Variants in TMEM150C observed in about 807,000 individuals in gnomAD.
The protein encoded by TMEM150C is tentonin 3.
In TMEM150C, 10 loss-of-function variants were observed where a neutral mutation model predicts 29.9. The observed-to-expected ratio is 0.33, with a 90% CI of 0.21 to 0.57. TMEM150C has a LOEUF of 0.57. Among genes scored for constraint, TMEM150C ranks in the 20% least tolerant of loss-of-function variants. The probability of loss-of-function intolerance (pLI) is 0.88; values close to 1 mark genes in which losing one functional copy is unlikely to be tolerated. For synonymous variants in TMEM150C, 101 were observed against 112.5 expected (o/e 0.90, Z 0.64); for missense variants, 251 against 303.6 (o/e 0.83, Z 1.29).
At chr4:82,518,585 G>C (rs1724373020) in intron 1 of TMEM150C, among the ~76,000 whole-genome samples, 1 of 152,196 alleles carries the variant, frequency 6.6e-6, no homozygotes. Context: ...CTAGGTGGGA[G>C]GGTAGGGCAG....
chr4:82,512,488 G>A (rs889751716), intron 1 of TMEM150C, among the ~76,000 whole-genome samples: 5 of 152,286 alleles, frequency 3.3e-5, no homozygotes, highest in Non-Finnish European at 5.9e-5. Context: ...GCGGCTGCTC[G>A]CCTACCTTAT....
intron 6 of TMEM150C, among the ~76,000 whole-genome samples, chr4:82,492,970 T>A (rs952309175): frequency 6.7e-6 from 1 of 149,132 alleles, no homozygotes; most frequent in Admixed American, 6.7e-5. Flanking sequence ...TCACTATGTA[T>A]TTACATATTT....
intron 5 of TMEM150C, among the ~76,000 whole-genome samples, chr4:82,500,427 A>G (rs1331012173): frequency 6.6e-6 from 1 of 152,264 alleles, no homozygotes; most frequent in Non-Finnish European, 1.5e-5. Context: ...GAGTTGATAA[A>G]TAAATACTTG....
intron 1 of TMEM150C, among the ~76,000 whole-genome samples, chr4:82,544,405 A>G (rs763690358): frequency 6.6e-6 from 1 of 152,232 alleles, no homozygotes; most frequent in Non-Finnish European, 1.5e-5. Flanking sequence ...TTTATTGAAC[A>G]TGCCTGATGG....
rs1410559330 is a variant in TMEM150C at position 82,561,957 on chromosome 4, C to T, written c.-62G>A. ...CGCCTCGAGGGGCTGTGACCTGCTG[C>T]GGTGGCGGCGGCGGCAGCAGTAGCG... On this transcript the variant is annotated 5_prime_UTR_variant, in exon 1 of 8. Transcript: ENST00000449862. 2.4e-5 allele frequency: 27 copies of T among 1,105,712 alleles called. No individual in the cohort carries two copies. The highest frequency in any genetic ancestry group is 3.0e-5 in the Non-Finnish European group (27 of 900,970). The allele number at this position is 1,105,712 out of a possible 1,614,324, so 68.5% of individuals were successfully genotyped here.
At chr4:82,547,276 A>C (rs1725414476) in intron 1 of TMEM150C, among the ~76,000 whole-genome samples, 2 of 151,346 alleles carry the variant, frequency 1.3e-5, no homozygotes, top group Admixed American at 1.3e-4. Flanking sequence ...ACAAGCAGCC[A>C]ACAAACATGA....
chr4:82,490,136 TGTTGACCTTGA>T lies in TMEM150C; in HGVS notation c.455_465del (p.Leu152HisfsTer4), dbSNP rs1196470668. 1.2e-6 allele frequency: 2 copies of T among 1,613,902 alleles called. No individual in the cohort carries two copies. Among genetic ancestry groups the T allele is most frequent in the Admixed American group, 3.3e-5 (2 of 60,008 alleles). ...CCAACTCTCCGTCCTTCATTCTTGA[TGTTGACCTTGA>T]GTGTCAGCGCAGCCTGGATCCAGCA... On this transcript the variant is annotated frameshift_variant, in exon 7 of 8. Transcript: ENST00000449862. LOFTEE classifies it high-confidence loss of function.
intron 1 of TMEM150C, among the ~76,000 whole-genome samples, chr4:82,530,326 G>A (rs1006469328): frequency 3.3e-5 from 5 of 152,106 alleles, no homozygotes; most frequent in African/African-American, 1.2e-4. Flanking sequence ...GGGAGGCAGA[G>A]GCGGGTGGAT....
upstream of TMEM150C, chr4:82,562,233 C>A: frequency 1.6e-6 from 2 of 1,283,658 alleles, no homozygotes; most frequent in South Asian, 2.5e-5. Flanking sequence ...GTTTGCCTGG[C>A]GCTCCTCATC....
At chr4:82,519,118 T>C (rs1034332155) in intron 1 of TMEM150C, among the ~76,000 whole-genome samples, 2 of 152,204 alleles carry the variant, frequency 1.3e-5, no homozygotes, top group African/African-American at 4.8e-5. Context: ...AGAGGCAACC[T>C]GACAGTAAAG....
chr4:82,523,619 A>C (rs1724559622), intron 1 of TMEM150C, among the ~76,000 whole-genome samples: 1 of 152,224 alleles, frequency 6.6e-6, no homozygotes, highest in Admixed American at 6.5e-5. Flanking sequence ...TGCTTTAAAA[A>C]ATGAAAACTT....
chr4:82,535,385 G>C (rs888277669), intron 1 of TMEM150C, among the ~76,000 whole-genome samples: 2 of 152,176 alleles, frequency 1.3e-5, no homozygotes, highest in African/African-American at 4.8e-5. Flanking sequence ...ATTTATTAGG[G>C]TGAAGCTGTC....
intron 6 of TMEM150C, among the ~76,000 whole-genome samples, chr4:82,493,108 C>T (rs1395147756): frequency 1.3e-5 from 2 of 150,922 alleles, no homozygotes; most frequent in Non-Finnish European, 1.5e-5. Flanking sequence ...TTTTGAATTG[C>T]TATTGCCTTC....
upstream of TMEM150C, chr4:82,562,010 G>C: frequency 8.7e-7 from 1 of 1,145,982 alleles, no homozygotes; most frequent in Non-Finnish European, 1.1e-6. Flanking sequence ...TTCAGGAAGG[G>C]GTGGGATCTG....
chr4:82,507,491 C>A (rs959088765), intron 1 of TMEM150C, among the ~76,000 whole-genome samples: 1 of 151,572 alleles, frequency 6.6e-6, no homozygotes, highest in African/African-American at 2.4e-5. Context: ...CATTTACCTG[C>A]GCTTGTCAGC....
At chr4:82,531,270 C>T (rs778050598) in intron 1 of TMEM150C, among the ~76,000 whole-genome samples, 108 of 152,100 alleles carry the variant, frequency 7.1e-4, no homozygotes, top group Non-Finnish European at 1.3e-3. Flanking sequence ...GAGAGAAGTA[C>T]GAGGATAGAA....
chr4:82,562,232 G>A (rs2110098370), upstream of TMEM150C: 1 of 1,283,928 alleles, frequency 7.8e-7, no homozygotes, highest in Admixed American at 2.3e-5. Flanking sequence ...CGTTTGCCTG[G>A]CGCTCCTCAT....
chr4:82,508,759 C>A (rs1179203657), intron 1 of TMEM150C, among the ~76,000 whole-genome samples: 1 of 152,172 alleles, frequency 6.6e-6, no homozygotes, highest in Admixed American at 6.5e-5. Flanking sequence ...AGCCACTGCA[C>A]CTGGCCCGTA....
intron 6 of TMEM150C, chr4:82,490,972 G>A (rs985435853): frequency 4.1e-5 from 30 of 732,924 alleles, no homozygotes; most frequent in African/African-American, 2.2e-4. Context: ...GCTTCCACCC[G>A]CTTAGCCAAA....
Sources: gnomAD v4.1 joint callset for allele counts (sites outside exome capture counted in the v4.1 genomes callset) on GRCh38, gnomAD v4.1.1 for gene constraint, MANE v1.5 for transcripts, NCBI Gene and HGNC (gene_info 2026-07-23, HGNC 2026-07-21) for gene names.